The following CCBE1 variants were observed in gnomAD, a reference collection of about 807,000 sequenced individuals.
The protein encoded by CCBE1 is collagen and calcium-binding EGF domain-containing protein 1.
In CCBE1, 37 loss-of-function variants were observed where a neutral mutation model predicts 50.0. The observed-to-expected ratio is 0.74, with a 90% confidence interval of 0.57 to 0.97. The LOEUF (loss-of-function observed/expected upper bound fraction) is 0.97. CCBE1 is among the 50% of genes least tolerant of loss of function. CCBE1 has a pLI of 0.00. For missense variants in CCBE1, 538 were observed against 523.8 expected, an observed-to-expected ratio of 1.03 and a Z score of -0.26; for synonymous variants, 234 against 203.7, an observed-to-expected ratio of 1.15 and a Z score of -1.27.
intron 7 of CCBE1, among the ~76,000 whole-genome samples, chr18:59,444,192 C>T (rs1910572185): frequency 7.8e-6 from 1 of 128,094 alleles, no homozygotes; most frequent in Admixed American, 7.3e-5. Context: ...TTGCTTCCAC[C>T]TCTTGGCTAT....
chr18:59,643,551 C>A (rs1681577922), intron 2 of CCBE1, among the ~76,000 whole-genome samples: 1 of 152,174 alleles, frequency 6.6e-6, no homozygotes, highest in Admixed American at 6.5e-5. Context: ...ATAATCCCAG[C>A]ACTTTGGAAG....
At chr18:59,693,495 G>A (rs1599143965) in intron 2 of CCBE1, among the ~76,000 whole-genome samples, 1 of 152,230 alleles carries the variant, frequency 6.6e-6, no homozygotes, top group South Asian at 2.1e-4. Flanking sequence ...GGGAAAAAAA[G>A]AACCACTTTG....
intron 10 of CCBE1, among the ~76,000 whole-genome samples, chr18:59,437,765 G>T (rs1206579984): frequency 6.6e-6 from 1 of 152,180 alleles, no homozygotes; most frequent in Non-Finnish European, 1.5e-5. Context: ...GCAGAGTTAT[G>T]ATTTAAACCC....
At chr18:59,519,415 T>A (rs1009552826) in intron 2 of CCBE1, among the ~76,000 whole-genome samples, 3 of 152,210 alleles carry the variant, frequency 2.0e-5, no homozygotes, top group Non-Finnish European at 2.9e-5. Context: ...GATTGAGCCC[T>A]CTGGATGCCA....
intron 2 of CCBE1, among the ~76,000 whole-genome samples, chr18:59,584,801 C>G (rs1040217068): frequency 6.6e-6 from 1 of 152,146 alleles, no homozygotes; most frequent in Admixed American, 6.5e-5. Flanking sequence ...GAACTGCAAG[C>G]CAATTAAACC....
At chr18:59,516,654 C>G (rs995540799) in intron 2 of CCBE1, among the ~76,000 whole-genome samples, 1 of 152,208 alleles carries the variant, frequency 6.6e-6, no homozygotes, top group South Asian at 2.1e-4. Context: ...TGATTTGGCT[C>G]ATTACCACGG....
At chr18:59,568,500 C>T (rs1444859687) in intron 2 of CCBE1, 2 of 152,316 alleles carry the variant, frequency 1.3e-5, no homozygotes, top group East Asian at 3.9e-4. Flanking sequence ...TACTTTTCTA[C>T]TTAGCAAGGT....
At chr18:59,658,784 G>T (rs1487773447) in intron 2 of CCBE1, among the ~76,000 whole-genome samples, 2 of 147,354 alleles carry the variant, frequency 1.4e-5, no homozygotes, top group African/African-American at 2.5e-5. Context: ...GGAGGCTGAG[G>T]CAGGAAAATC....
chr18:59,455,000 C>A, intron 5 of CCBE1, 49 bp from the exon 6 acceptor site: 1 of 1,464,106 alleles, frequency 6.8e-7, no homozygotes, highest in Non-Finnish European at 9.6e-7. Flanking sequence ...GGATGCAAGC[C>A]AGACCCAGAG....
At chr18:59,477,430 A>T (rs1912360521) in intron 3 of CCBE1, among the ~76,000 whole-genome samples, 2 of 152,254 alleles carry the variant, frequency 1.3e-5, no homozygotes, top group South Asian at 4.1e-4. Context: ...GTGTGGTAGA[A>T]GGTGGCAGGT....
intron 7 of CCBE1, among the ~76,000 whole-genome samples, chr18:59,443,117 C>T (rs553169250): frequency 1.3e-5 from 2 of 152,300 alleles, no homozygotes; most frequent in South Asian, 4.1e-4. Context: ...TGCCAGAATA[C>T]GGCATACCAC....
chr18:59,670,957 T>C (rs917411206), intron 2 of CCBE1, among the ~76,000 whole-genome samples: 1 of 152,080 alleles, frequency 6.6e-6, no homozygotes, highest in Admixed American at 6.5e-5. Flanking sequence ...AAAAAAATAA[T>C]AATTTTCAAT....
chr18:59,619,852 A>G (rs1421650516), intron 2 of CCBE1, among the ~76,000 whole-genome samples: 1 of 152,162 alleles, frequency 6.6e-6, no homozygotes, highest in Non-Finnish European at 1.5e-5. Context: ...ATCTAACTTC[A>G]TTTTTGATGA....
At chr18:59,569,127 CAT>C (rs1242744479) in intron 2 of CCBE1, among the ~76,000 whole-genome samples, 1 of 152,232 alleles carries the variant, frequency 6.6e-6, no homozygotes, top group Non-Finnish European at 1.5e-5. Flanking sequence ...ATTCTCCTCA[CAT>C]GAGTGGCTAC....
chr18:59,431,911 GGGAA>G lies in CCBE1; in HGVS notation c.*3993_*3996del, dbSNP rs1909958501. The G allele has an allele frequency of 6.6e-6, 1 of 152,216 alleles. No homozygotes were observed. Among genetic ancestry groups the G allele is most frequent in the African/African-American group, 2.4e-5 (1 of 41,422 alleles). 9.4% of individuals were successfully genotyped at this position (152,216 alleles called of 1,614,324 possible). ...GCTTATAATTTCTCCCTCTGGAACT[GGGAA>G]GGGAGGGGGGTTTCCTAAACTAAAA... On this transcript the variant is annotated 3_prime_UTR_variant, in exon 11 of 11. Transcript: ENST00000439986.
chr18:59,645,429 A>G (rs2054043337), intron 2 of CCBE1, among the ~76,000 whole-genome samples: 1 of 152,206 alleles, frequency 6.6e-6, no homozygotes, highest in Non-Finnish European at 1.5e-5. Context: ...GAGAAAAAAA[A>G]GATTTTAAAA....
At chr18:59,506,031 A>G (rs1274515593) in intron 2 of CCBE1, among the ~76,000 whole-genome samples, 4 of 152,242 alleles carry the variant, frequency 2.6e-5, no homozygotes, top group Non-Finnish European at 5.9e-5. Flanking sequence ...CCCCATTCAC[A>G]TATACCCAGG....
At chr18:59,437,304 G>A (rs1354712951) in intron 10 of CCBE1, among the ~76,000 whole-genome samples, 2 of 152,176 alleles carry the variant, frequency 1.3e-5, no homozygotes, top group African/African-American at 4.8e-5. Context: ...AGCGGGCACC[G>A]TGGAAGCAGA....
chr18:59,542,956 C>T (rs747974034), intron 2 of CCBE1, among the ~76,000 whole-genome samples: 19 of 152,200 alleles, frequency 1.2e-4, no homozygotes, highest in Non-Finnish European at 2.1e-4. Flanking sequence ...TCCAAGATCT[C>T]GCCAAACCCA....
Sources: gnomAD v4.1 joint callset for allele counts (sites outside exome capture counted in the v4.1 genomes callset) on GRCh38, gnomAD v4.1.1 for gene constraint, MANE v1.5 for transcripts, NCBI Gene and HGNC (gene_info 2026-07-23, HGNC 2026-07-21) for gene names.